The following SCCPDH variants were observed in gnomAD, a reference collection of about 807,000 sequenced individuals.
SCCPDH encodes saccharopine dehydrogenase (putative).
SCCPDH carries 34 observed loss-of-function variants against 51.5 expected under a neutral mutation model. That is an observed-to-expected ratio of 0.66 (90% CI 0.50 to 0.88). The LOEUF (loss-of-function observed/expected upper bound fraction) is 0.88, where lower values mean the gene tolerates loss of function less well. Among genes scored for constraint, SCCPDH ranks in the 40% least tolerant of loss-of-function variants. SCCPDH has a pLI of 0.00. For synonymous variants in SCCPDH, 187 were observed against 191.3 expected (o/e 0.98, Z 0.19); for missense variants, 464 against 527.1 (o/e 0.88, Z 1.17).
At chr1:246,763,046 G>A (rs1669042774) in intron 9 of SCCPDH, among the ~76,000 whole-genome samples, 1 of 151,998 alleles carries the variant, frequency 6.6e-6, no homozygotes, top group African/African-American at 2.4e-5. Context: ...TGGGCACTGG[G>A]GCTCTCTAAA....
At chr1:246,748,208 G>A (rs1668792408) in intron 5 of SCCPDH, among the ~76,000 whole-genome samples, 1 of 152,118 alleles carries the variant, frequency 6.6e-6, no homozygotes, top group Non-Finnish European at 1.5e-5. Flanking sequence ...CTAGCCCACG[G>A]ATGCACGGTA....
At position 246,740,199 on chromosome 1, in the gene SCCPDH, CA is replaced by C. The variant is rs1308322771; in HGVS notation, c.413del (p.His138LeufsTer26). The C allele has an allele frequency of 6.2e-7, 1 of 1,601,330 alleles. No individual in the cohort carries two copies. The highest frequency in any genetic ancestry group is 1.3e-5 in the African/African-American group (1 of 74,694). ...QFLELMQLKYHEKAADKGVYI... is the reference protein window; with the variant it reads ...QFLELMQLKYXEKAADKGVYI... ...TCTGGAACTAATGCAACTGAAGTAT[CA>C]TGAGAAAGCTGCAGACAAAGGGGTT... On this transcript the variant is annotated frameshift_variant, in exon 4 of 12. Coordinates refer to ENST00000366510, the MANE Select transcript of SCCPDH (RefSeq NM_016002.3). LOFTEE classifies it high-confidence loss of function.
chr1:246,757,079 C>T (rs986411596), intron 5 of SCCPDH, among the ~76,000 whole-genome samples: 6 of 152,162 alleles, frequency 3.9e-5, no homozygotes, highest in African/African-American at 1.2e-4. Context: ...CGCGGTGGCT[C>T]ATGCCTGCAA....
Position 246,726,981 on chromosome 1 carries a change from G to A in SCCPDH, c.280G>A (p.Val94Ile). ...SLDEMAKQAT[V>I]VLNCVGPYRF... ...TGATGAAATGGCTAAACAGGCAACA[G>A]TTGTCCTCAATTGCGTAGGACCAGT... The change falls in exon 2 of 12, where the codon GTT becomes ATT. Residue 94 changes from valine (V) to isoleucine (I), a missense_variant. Coordinates refer to ENST00000366510, the MANE Select transcript of SCCPDH (RefSeq NM_016002.3). The A allele has an allele frequency of 6.2e-7, 1 of 1,613,470 alleles. No individual in the cohort carries two copies. Among genetic ancestry groups the A allele is most frequent in the Non-Finnish European group, 8.5e-7 (1 of 1,179,354 alleles).
chr1:246,764,100 T>C, intron 9 of SCCPDH, 146 bp from the exon 10 acceptor site: 1 of 549,194 alleles, frequency 1.8e-6, no homozygotes, highest in East Asian at 3.0e-5. Context: ...CGCTCCCTGC[T>C]TAAATGATGA....
chr1:246,745,889 A>T (rs566611280), intron 5 of SCCPDH, among the ~76,000 whole-genome samples: 28 of 152,122 alleles, frequency 1.8e-4, no homozygotes, highest in African/African-American at 6.5e-4. Flanking sequence ...CGGGCAGATC[A>T]CGAGGTCAGG....
intron 2 of SCCPDH, 34 bp from the exon 3 acceptor site, chr1:246,735,941 A>C (rs1279822200): frequency 7.1e-7 from 1 of 1,411,576 alleles, no homozygotes; most frequent in Admixed American, 1.8e-5. Context: ...CTTGTCAAGC[A>C]AGAATAACCT....
In SCCPDH at chr1:246,767,402, C is replaced by A; in HGVS notation, c.*102C>A. On this transcript the variant is annotated 3_prime_UTR_variant, in exon 12 of 12. Transcript: ENST00000366510. ...AAGCCTGTCTGAGTGTATGTGGAAACGATTGTCAAATCTAAAATATCTATA... is the reference window on the plus strand; with the variant it reads ...AAGCCTGTCTGAGTGTATGTGGAAAAGATTGTCAAATCTAAAATATCTATA... 1.7e-6 allele frequency: 1 copy of A among 572,534 alleles called. No individual in the cohort carries two copies. The highest frequency in any genetic ancestry group is 2.8e-6 in the Non-Finnish European group (1 of 357,170). The allele number at this position is 572,534 out of a possible 1,614,324, so 35.5% of individuals were successfully genotyped here. A position where few individuals can be genotyped will look rare whatever the true frequency, so the allele number is the denominator to read the frequency against.
At chr1:246,746,107 C>CA (rs756929255) in intron 5 of SCCPDH, among the ~76,000 whole-genome samples, 2,221 of 79,232 alleles carry the variant, frequency 0.028, 85 homozygotes, top group African/African-American at 0.059. Context: ...GACTCCATCT[C>CA]AAAAAAAAAA....
At chr1:246,757,270 G>A (rs866801811) in intron 5 of SCCPDH, among the ~76,000 whole-genome samples, 12 of 150,704 alleles carry the variant, frequency 8.0e-5, no homozygotes, top group African/African-American at 2.4e-4. Flanking sequence ...CTTGAACCTA[G>A]GAGGCAGAGG....
intron 4 of SCCPDH, 100 bp downstream of exon 4, chr1:246,740,401 CAT>C (rs1668659524): frequency 9.3e-7 from 1 of 1,080,384 alleles, no homozygotes. Flanking sequence ...AAAAAAGAAA[CAT>C]AGCCATAAAT....
At chr1:246,756,018 C>T (rs962272376) in intron 5 of SCCPDH, among the ~76,000 whole-genome samples, 10 of 152,082 alleles carry the variant, frequency 6.6e-5, no homozygotes, top group Admixed American at 2.6e-4. Context: ...GATGCCCTCA[C>T]GGTTGGGAAT....
intron 5 of SCCPDH, among the ~76,000 whole-genome samples, chr1:246,751,635 A>G (rs557099414): frequency 6.6e-6 from 1 of 152,172 alleles, no homozygotes; most frequent in Non-Finnish European, 1.5e-5. Flanking sequence ...CCCTTTTATA[A>G]CATTTTTCAC....
At chr1:246,750,196 C>G (rs1668829877) in intron 5 of SCCPDH, among the ~76,000 whole-genome samples, 4 of 152,084 alleles carry the variant, frequency 2.6e-5, no homozygotes, top group Admixed American at 2.6e-4. Flanking sequence ...TAGCTTTTGA[C>G]AAGGACACGG....
intron 6 of SCCPDH, among the ~76,000 whole-genome samples, chr1:246,758,721 C>A (rs1293099625): frequency 1.3e-5 from 2 of 151,810 alleles, no homozygotes; most frequent in African/African-American, 4.8e-5. Context: ...AACTTTTTTT[C>A]TTTTTTAAAA....
At chr1:246,729,625 C>T (rs1668460854) in intron 2 of SCCPDH, among the ~76,000 whole-genome samples, 1 of 151,060 alleles carries the variant, frequency 6.6e-6, no homozygotes, top group Non-Finnish European at 1.5e-5. Context: ...TGTTCAAAGA[C>T]ACATGTTTTA....
rs535509823 is a variant in SCCPDH, at chr1:246,743,999, C to T, written c.515-77C>T. 19 of 810,102 alleles carry T rather than the reference C, an allele frequency of 2.3e-5. No homozygotes were observed. In the South Asian group the frequency reaches 2.9e-4, roughly 12 times the overall value. The allele number at this position is 810,102 out of a possible 1,614,324, so 50.2% of individuals were successfully genotyped here. On this transcript the variant is annotated intron_variant, in intron 4 of 11. Transcript: ENST00000366510. ...AAAAGCTAGTCCCTAAGTGAATACG[C>T]ATTGTTTATTATTACTTACCCCAAA...
chr1:246,766,166 A>G (rs1669085088), intron 11 of SCCPDH, 27 bp downstream of exon 11: 1 of 1,489,874 alleles, frequency 6.7e-7, no homozygotes, highest in African/African-American at 1.4e-5. Flanking sequence ...TCCAATTAGA[A>G]GATCTTTTTT....
chr1:246,747,063 T>C (rs1668771257), intron 5 of SCCPDH, among the ~76,000 whole-genome samples: 1 of 152,242 alleles, frequency 6.6e-6, no homozygotes, highest in Non-Finnish European at 1.5e-5. Context: ...TATTGATTCA[T>C]GTAACCAAAT....
Sources: allele counts gnomAD v4.1 joint callset (sites outside exome capture counted in the v4.1 genomes callset), GRCh38; gene constraint gnomAD v4.1.1; transcripts MANE v1.5; gene names NCBI Gene and HGNC (gene_info 2026-07-23, HGNC 2026-07-21).